Variants in SLC35D2 observed in about 807,000 individuals in gnomAD.
The protein encoded by SLC35D2 is nucleotide sugar transporter SLC35D2.
In SLC35D2, 43 loss-of-function variants were observed where a neutral mutation model predicts 41.8. The ratio of observed to expected loss-of-function variants is 1.03; its 90% CI spans 0.81 to 1.33. SLC35D2 has a LOEUF of 1.33. Ranked by LOEUF, SLC35D2 falls within the 40% of genes most tolerant of loss-of-function variation. SLC35D2 has a pLI of 0.00. For missense variants in SLC35D2, 380 were observed against 408.4 expected (o/e 0.93, Z 0.60); for synonymous variants, 150 against 163.9 (o/e 0.92, Z 0.65).
At chr9:96,338,281 T>C (rs1478063377) in intron 8 of SLC35D2, among the ~76,000 whole-genome samples, 3 of 152,216 alleles carry the variant, frequency 2.0e-5, no homozygotes, top group African/African-American at 7.2e-5. Context: ...ATAATTCAAA[T>C]TTTTAAACAA....
At chr9:96,324,549 CTTTT>C (rs57775451) in intron 9 of SLC35D2, among the ~76,000 whole-genome samples, 4 of 117,774 alleles carry the variant, frequency 3.4e-5, no homozygotes, top group Non-Finnish European at 1.8e-5. Context: ...GCCTGCTGCA[CTTTT>C]TTTTTTTTTT....
chr9:96,372,829 GC>G (rs1342101433), intron 1 of SLC35D2, among the ~76,000 whole-genome samples: 1 of 148,784 alleles, frequency 6.7e-6, no homozygotes, highest in East Asian at 2.0e-4. Context: ...CAGGTGATCC[GC>G]CCACCTCTGC....
intron 1 of SLC35D2, among the ~76,000 whole-genome samples, chr9:96,377,177 G>C (rs1012596115): frequency 6.6e-6 from 1 of 151,772 alleles, no homozygotes; most frequent in Non-Finnish European, 1.5e-5. Flanking sequence ...GGGAGATCTC[G>C]GAGAGGTGCA....
downstream of SLC35D2, among the ~76,000 whole-genome samples, chr9:96,316,318 T>C (rs1828052034): frequency 6.6e-6 from 1 of 152,028 alleles, no homozygotes; most frequent in African/African-American, 2.4e-5. Flanking sequence ...CTGGCCAACA[T>C]GGTGAAACCC....
At chr9:96,349,137 G>A (rs1264148733) in intron 6 of SLC35D2, among the ~76,000 whole-genome samples, 1 of 152,084 alleles carries the variant, frequency 6.6e-6, no homozygotes, top group Non-Finnish European at 1.5e-5. Flanking sequence ...GGCTTTTCTT[G>A]GATACTCCCT....
At chr9:96,335,063 G>A (rs552493486) in intron 9 of SLC35D2, among the ~76,000 whole-genome samples, 68 of 152,346 alleles carry the variant, frequency 4.5e-4, no homozygotes, top group African/African-American at 1.6e-3. Context: ...GAGAATTGAA[G>A]AGTGTTGATC....
chr9:96,380,624 G>GT (rs145071764), intron 1 of SLC35D2, among the ~76,000 whole-genome samples: 33 of 149,624 alleles, frequency 2.2e-4, no homozygotes, highest in African/African-American at 3.9e-4. Flanking sequence ...TGCCCAGCTA[G>GT]TTTTTTTTTG....
chr9:96,343,562 T>C (rs1829436058), intron 8 of SLC35D2, among the ~76,000 whole-genome samples: 1 of 152,214 alleles, frequency 6.6e-6, no homozygotes. Flanking sequence ...AACAAACCTA[T>C]GTTTTAAAAT....
chr9:96,330,331 C>T (rs1828750887), intron 9 of SLC35D2, among the ~76,000 whole-genome samples: 1 of 152,166 alleles, frequency 6.6e-6, no homozygotes, highest in East Asian at 1.9e-4. Context: ...ACACAGACAC[C>T]TAAAATAAAG....
intron 1 of SLC35D2, among the ~76,000 whole-genome samples, chr9:96,372,258 G>C (rs1830731210): frequency 6.6e-6 from 1 of 152,212 alleles, no homozygotes; most frequent in Admixed American, 6.5e-5. Flanking sequence ...GACTTCAAAA[G>C]ATGAACTGAA....
intron 1 of SLC35D2, 23 bp from the exon 2 acceptor site, chr9:96,368,328 A>C: frequency 6.3e-7 from 1 of 1,598,256 alleles, no homozygotes; most frequent in Non-Finnish European, 8.6e-7. Flanking sequence ...CAGAACAACA[A>C]ATCAGTTGAG....
intron 5 of SLC35D2, 122 bp from the exon 6 acceptor site, chr9:96,351,293 C>T (rs1302677065): frequency 2.9e-6 from 2 of 686,682 alleles, no homozygotes; most frequent in African/African-American, 3.6e-5. Context: ...ATCCAGCAGA[C>T]AATGCTTGAT....
At chr9:96,350,347 C>CTTTTTTTTTTTT (rs57531044) in intron 6 of SLC35D2, among the ~76,000 whole-genome samples, 10 of 91,008 alleles carry the variant, frequency 1.1e-4, no homozygotes, top group African/African-American at 4.0e-4. Flanking sequence ...ATTTTCTTTC[C>CTTTTTTTTTTTT]TTTTTTTTTT....
chr9:96,344,748 G>A (rs968771592), intron 7 of SLC35D2, among the ~76,000 whole-genome samples: 1 of 150,946 alleles, frequency 6.6e-6, no homozygotes, highest in Non-Finnish European at 1.5e-5. Flanking sequence ...GGAGGGATGG[G>A]GCCTCCACGT....
At chr9:96,331,393 G>A (rs544090004) in intron 9 of SLC35D2, among the ~76,000 whole-genome samples, 4 of 152,252 alleles carry the variant, frequency 2.6e-5, no homozygotes, top group African/African-American at 9.6e-5. Flanking sequence ...CCTTTCACAT[G>A]TAACACGTGG....
intron 11 of SLC35D2, among the ~76,000 whole-genome samples, chr9:96,315,102 C>G (rs949492840): frequency 1.3e-5 from 2 of 152,164 alleles, no homozygotes; most frequent in African/African-American, 4.8e-5. Flanking sequence ...GGACTCCTCA[C>G]GCTGCCATCT....
At chr9:96,324,431 C>A (rs1828411409) in intron 9 of SLC35D2, among the ~76,000 whole-genome samples, 1 of 151,898 alleles carries the variant, frequency 6.6e-6, no homozygotes, top group Admixed American at 6.6e-5. Flanking sequence ...AATGTTTCCA[C>A]AACATGGGAG....
downstream of SLC35D2, among the ~76,000 whole-genome samples, chr9:96,319,323 G>A (rs1256143462): frequency 2.0e-5 from 3 of 152,104 alleles, no homozygotes; most frequent in African/African-American, 7.2e-5. Flanking sequence ...TAGAATGGGG[G>A]TTGCCAGGGG....
intron 1 of SLC35D2, among the ~76,000 whole-genome samples, chr9:96,373,301 C>T (rs568337080): frequency 2.0e-5 from 3 of 152,312 alleles, no homozygotes; most frequent in South Asian, 2.1e-4. Flanking sequence ...TAGCCAATCA[C>T]TAACCAATAT....
Sources: allele counts gnomAD v4.1 joint callset (sites outside exome capture counted in the v4.1 genomes callset), GRCh38; gene constraint gnomAD v4.1.1; transcripts MANE v1.5; gene names NCBI Gene and HGNC (gene_info 2026-07-23, HGNC 2026-07-21).